LRP1B: variants seen among roughly 807,000 people sequenced by gnomAD.
The protein encoded by LRP1B is low-density lipoprotein receptor-related protein 1B.
LRP1B carries 217 observed loss-of-function variants against 556.6 expected under a neutral mutation model. That is an observed-to-expected ratio of 0.39 (90% CI 0.35 to 0.44). The LOEUF is 0.44. Among genes scored for constraint, LRP1B ranks in the 20% least tolerant of loss-of-function variants. The pLI is 1.00. For synonymous variants in LRP1B, 2,047 were observed against 1,865.8 expected (o/e 1.10, Z -2.50); for missense variants, 5,053 against 5,620.8 (o/e 0.90, Z 3.23).
chr2:141,496,860 T>C (rs1683527216), intron 2 of LRP1B, among the ~76,000 whole-genome samples: 1 of 151,948 alleles, frequency 6.6e-6, no homozygotes, highest in African/African-American at 2.4e-5. Flanking sequence ...AGATATAAAA[T>C]GCGAGAAATT....
intron 1 of LRP1B, among the ~76,000 whole-genome samples, chr2:141,862,104 CT>C (rs2105788612): frequency 6.6e-6 from 1 of 151,936 alleles, no homozygotes; most frequent in South Asian, 2.1e-4. Flanking sequence ...CAAAATAAAC[CT>C]TTTATAATGA....
At chr2:140,335,925 A>G in intron 77 of LRP1B, 87 bp from the exon 78 acceptor site, 1 of 802,122 alleles carries the variant, frequency 1.2e-6, no homozygotes, top group Non-Finnish European at 2.2e-6. Context: ...GTTATGGGGG[A>G]ATTGTAAGAA....
At chr2:141,958,593 T>C (rs941324211) in intron 1 of LRP1B, among the ~76,000 whole-genome samples, 2 of 152,018 alleles carry the variant, frequency 1.3e-5, no homozygotes, top group Admixed American at 1.3e-4. Context: ...TTAGAAAGAA[T>C]ATAATTGTTC....
intron 1 of LRP1B, among the ~76,000 whole-genome samples, chr2:142,009,757 G>T (rs1485008867): frequency 6.6e-6 from 1 of 151,862 alleles, no homozygotes; most frequent in Non-Finnish European, 1.5e-5. Context: ...TATGTGAATT[G>T]TACACATATA....
intron 2 of LRP1B, among the ~76,000 whole-genome samples, chr2:141,539,333 CA>C (rs909599224): frequency 1.3e-5 from 2 of 152,098 alleles, no homozygotes; most frequent in Non-Finnish European, 2.9e-5. Context: ...CTTTTAAAAA[CA>C]GGCATTTTTC....
At chr2:140,427,828 T>G (rs1419093183) in intron 66 of LRP1B, among the ~76,000 whole-genome samples, 1 of 151,996 alleles carries the variant, frequency 6.6e-6, no homozygotes, top group East Asian at 1.9e-4. Context: ...TAGGTCCCAG[T>G]TCTTCCTCAG....
intron 66 of LRP1B, among the ~76,000 whole-genome samples, chr2:140,404,669 TC>T (rs1684655833): frequency 6.6e-6 from 1 of 152,146 alleles, no homozygotes; most frequent in African/African-American, 2.4e-5. Context: ...TAAACAAGTA[TC>T]TGTTGTCTTC....
At chr2:141,639,552 G>A (rs1689254462) in intron 2 of LRP1B, among the ~76,000 whole-genome samples, 1 of 150,728 alleles carries the variant, frequency 6.6e-6, no homozygotes, top group South Asian at 2.1e-4. Flanking sequence ...CCAGGAGCTG[G>A]AAGTTAATAT....
chr2:140,330,199 CAATAATAATAATAATAATAATAAT>C (rs70985089), intron 79 of LRP1B, among the ~76,000 whole-genome samples: 3 of 137,978 alleles, frequency 2.2e-5, no homozygotes, highest in Non-Finnish European at 4.6e-5. Flanking sequence ...GACTCTGTCT[CAATAATAATAATAATAATAATAAT>C]AATAATAATA....
chr2:141,917,777 C>A (rs976794837), intron 1 of LRP1B, among the ~76,000 whole-genome samples: 30 of 152,168 alleles, frequency 2.0e-4, no homozygotes, highest in Non-Finnish European at 1.2e-4. Flanking sequence ...ACTTGCTTAA[C>A]CCTTTTCTTT....
chr2:141,449,882 T>G (rs1231603886), intron 3 of LRP1B, among the ~76,000 whole-genome samples: 2 of 152,142 alleles, frequency 1.3e-5, no homozygotes, highest in African/African-American at 2.4e-5. Context: ...CCCTGTGCAT[T>G]GTAGGATGTT....
intron 21 of LRP1B, among the ~76,000 whole-genome samples, chr2:140,920,777 CAT>C (rs1322503459): frequency 1.3e-5 from 2 of 151,908 alleles, no homozygotes; most frequent in Non-Finnish European, 2.9e-5. Flanking sequence ...TAAAGTGAAA[CAT>C]ATGTTTTATC....
At chr2:141,339,305 A>AAAAAAAG (rs1687966034) in intron 3 of LRP1B, among the ~76,000 whole-genome samples, 1 of 149,858 alleles carries the variant, frequency 6.7e-6, no homozygotes, top group South Asian at 2.1e-4. Context: ...TAACGCAAAA[A>AAAAAAAG]AAAAAAAAAG....
intron 3 of LRP1B, among the ~76,000 whole-genome samples, chr2:141,285,545 T>C (rs1685682448): frequency 7.2e-6 from 1 of 139,596 alleles, no homozygotes; most frequent in Admixed American, 7.5e-5. Context: ...AACCTCCGCC[T>C]CCCAGGTTCA....
chr2:141,387,861 A>C (rs892840151), intron 3 of LRP1B, among the ~76,000 whole-genome samples: 14 of 152,160 alleles, frequency 9.2e-5, no homozygotes, highest in Non-Finnish European at 1.9e-4. Context: ...AGAAAAGAAA[A>C]CTGCATACCA....
chr2:141,019,729 G>A (rs1698011692), intron 12 of LRP1B, among the ~76,000 whole-genome samples, 193 bp downstream of exon 12: 1 of 151,890 alleles, frequency 6.6e-6, no homozygotes, highest in South Asian at 2.1e-4. Context: ...TCAGGTCAAT[G>A]TATTCTGACA....
chr2:140,950,150 A>G (rs1695670393), intron 20 of LRP1B, 85 bp downstream of exon 20: 2 of 1,027,996 alleles, frequency 1.9e-6, no homozygotes. Flanking sequence ...ATTTCTTTTT[A>G]TACAATATTC....
intron 66 of LRP1B, among the ~76,000 whole-genome samples, chr2:140,404,975 C>T (rs561763099): frequency 8.2e-4 from 125 of 152,222 alleles, no homozygotes; most frequent in African/African-American, 2.9e-3. Context: ...ATATGATAGG[C>T]TGCAAAACAA....
chr2:141,640,322 C>CA (rs1435861882), intron 2 of LRP1B, among the ~76,000 whole-genome samples: 2 of 151,920 alleles, frequency 1.3e-5, no homozygotes, highest in Non-Finnish European at 2.9e-5. Flanking sequence ...TCTCATTTGA[C>CA]AAAAAAAGAG....
Sources: allele counts gnomAD v4.1 joint callset (sites outside exome capture counted in the v4.1 genomes callset), GRCh38; gene constraint gnomAD v4.1.1; transcripts MANE v1.5; gene names NCBI Gene and HGNC (gene_info 2026-07-23, HGNC 2026-07-21).